Variants in EML5 observed in about 807,000 individuals in gnomAD.
EML5 encodes the protein echinoderm microtubule-associated protein-like 5.
Under a neutral mutation model 250.0 loss-of-function variants are expected in EML5, and 120 were observed. The ratio of observed to expected loss-of-function variants is 0.48; its 90% CI spans 0.41 to 0.56. The LOEUF is 0.56. Among genes scored for constraint, EML5 ranks in the 20% least tolerant of loss-of-function variants. EML5 has a pLI of 0.00. For missense variants in EML5, 2,006 were observed against 2,437.6 expected (o/e 0.82, Z 3.73); for synonymous variants, 771 against 806.5 (o/e 0.96, Z 0.75).
At chr14:88,633,314 G>T (rs746649060) in intron 33 of EML5, among the ~76,000 whole-genome samples, 14 of 151,892 alleles carry the variant, frequency 9.2e-5, no homozygotes, top group Non-Finnish European at 1.6e-4. Context: ...TAGAGACAGG[G>T]TCTTGCTGTT....
chr14:88,737,506 C>G (rs2093861414), intron 6 of EML5, among the ~76,000 whole-genome samples: 1 of 152,238 alleles, frequency 6.6e-6, no homozygotes. Context: ...CCCAGTGCAG[C>G]CCGGGACAGG....
chr14:88,738,969 C>G lies in EML5; in HGVS notation c.757G>C (p.Gly253Arg), dbSNP rs1305292150. 6.2e-7 allele frequency: 1 copy of G among 1,609,174 alleles called. No homozygotes were observed. The highest frequency in any genetic ancestry group is 8.5e-7 in the Non-Finnish European group (1 of 1,178,104). ...MNACEEGFAT[G>R]GRDGCIRLWD... ...AGACGAATACAACCATCTCTGCCAC[C>G]AGTAGCAAAGCCTTCTTCACAAGCA... The change falls in exon 6 of 44, where the codon GGT becomes CGT. Residue 253 changes from glycine to arginine, a missense_variant. Gly to Arg is a moderately radical substitution (Grantham distance 125). Transcript: ENST00000554922.
At chr14:88,629,516 C>T (rs1011543434) in intron 33 of EML5, among the ~76,000 whole-genome samples, 2 of 152,110 alleles carry the variant, frequency 1.3e-5, no homozygotes, top group African/African-American at 4.8e-5. Flanking sequence ...CTCGAAGTTA[C>T]TAAAGATGAA....
intron 14 of EML5, among the ~76,000 whole-genome samples, chr14:88,698,344 C>A (rs1050048995): frequency 1.4e-5 from 2 of 146,970 alleles, no homozygotes; most frequent in African/African-American, 2.5e-5. Flanking sequence ...TGGCTCACTG[C>A]GACCTCCGCC....
chr14:88,626,874 G>A lies in EML5; in HGVS notation c.4704C>T (p.Ala1568=). 1.2e-6 allele frequency: 2 copies of A among 1,613,838 alleles called. No homozygotes were observed. Among genetic ancestry groups the A allele is most frequent in the East Asian group, 2.2e-5 (1 of 44,870 alleles). The change falls in exon 35 of 44, where the codon GCC becomes GCT. Residue 1568 remains alanine, a synonymous_variant. Coordinates refer to ENST00000554922, the MANE Select transcript of EML5 (RefSeq NM_183387.3). Reference sequence around the variant, plus strand: ...CAATAGCGAGCATGGTCTGCATCCGGGCATCTTCCAGTGTGCTCAGTAGCC... The same window carrying A: ...CAATAGCGAGCATGGTCTGCATCCGAGCATCTTCCAGTGTGCTCAGTAGCC... ...KKGLLSTLED[A]RMQTMLAIAF...
chr14:88,703,440 A>G (rs2093257083), intron 13 of EML5, among the ~76,000 whole-genome samples: 1 of 152,150 alleles, frequency 6.6e-6, no homozygotes, highest in Non-Finnish European at 1.5e-5. Flanking sequence ...TTAAACTACA[A>G]TTTTAAAATA....
At chr14:88,722,985 A>T (rs1419874840) in intron 8 of EML5, among the ~76,000 whole-genome samples, 1 of 152,208 alleles carries the variant, frequency 6.6e-6, no homozygotes, top group East Asian at 1.9e-4. Context: ...TAACACAGCA[A>T]TAAGGAAAGA....
chr14:88,718,128 A>G (rs2093530971), intron 8 of EML5, among the ~76,000 whole-genome samples: 1 of 152,158 alleles, frequency 6.6e-6, no homozygotes. Context: ...ATTAACTAGG[A>G]TACGGCCCAT....
chr14:88,628,200 A>C (rs2090165253), intron 33 of EML5, among the ~76,000 whole-genome samples: 1 of 152,164 alleles, frequency 6.6e-6, no homozygotes, highest in Non-Finnish European at 1.5e-5. Context: ...TAAATATTAA[A>C]CACCAAGTAT....
At chr14:88,617,125 A>G in intron 41 of EML5, 1 of 318,032 alleles carries the variant, frequency 3.1e-6, no homozygotes, top group East Asian at 5.0e-5. Context: ...GTAGTACTTT[A>G]TGAAAACTGA....
intron 10 of EML5, among the ~76,000 whole-genome samples, chr14:88,706,984 T>C (rs576386275): frequency 6.6e-6 from 1 of 152,336 alleles, no homozygotes; most frequent in African/African-American, 2.4e-5. Flanking sequence ...GTTCCAACAA[T>C]GTCCTTTATA....
chr14:88,660,960 T>A (rs1489916261), intron 25 of EML5, among the ~76,000 whole-genome samples: 3 of 152,158 alleles, frequency 2.0e-5, no homozygotes, highest in African/African-American at 7.2e-5. Context: ...AGTGTAAGTA[T>A]TTTCTATTTA....
intron 12 of EML5, 41 bp from the exon 13 acceptor site, chr14:88,705,019 T>C: frequency 7.1e-7 from 1 of 1,405,776 alleles, no homozygotes; most frequent in East Asian, 2.4e-5. Context: ...TTAGAATATA[T>C]ACTAATAAAG....
chr14:88,688,828 A>G (rs1379392362), intron 17 of EML5, among the ~76,000 whole-genome samples: 5 of 152,364 alleles, frequency 3.3e-5, no homozygotes, highest in Admixed American at 1.3e-4. Context: ...CTACAAAAAG[A>G]TCCCAAAGTA....
At chr14:88,773,738 A>G (rs1442034541) in intron 1 of EML5, among the ~76,000 whole-genome samples, 2 of 152,212 alleles carry the variant, frequency 1.3e-5, no homozygotes, top group Non-Finnish European at 2.9e-5. Context: ...TTAACTTTCT[A>G]TTAAGCAGCC....
chr14:88,631,194 T>C (rs1160256355), intron 33 of EML5, among the ~76,000 whole-genome samples: 1 of 152,156 alleles, frequency 6.6e-6, no homozygotes, highest in Non-Finnish European at 1.5e-5. Context: ...TGAAAACATA[T>C]CTAATGTATT....
rs549257028 is a variant in EML5 at position 88,613,951 on chromosome 14, G to A, written c.*1867C>T. 3 of 152,182 alleles carry A rather than the reference G, an allele frequency of 2.0e-5. No homozygotes were observed. Among genetic ancestry groups the A allele is most frequent in the Non-Finnish European group, 4.4e-5 (3 of 68,026 alleles). 9.4% of individuals were successfully genotyped at this position (152,182 alleles called of 1,614,324 possible). A position where few individuals can be genotyped will look rare whatever the true frequency, so the allele number is the denominator to read the frequency against. ...TACTTAGTCAATATGACCTTTAGTC[G>A]TGAAACTGACAGCAGCAGTGATTAA... is the stretch of plus-strand genomic sequence containing the variant. On this transcript the variant is annotated 3_prime_UTR_variant, in exon 44 of 44. Transcript: ENST00000554922.
At chr14:88,617,039 G>T in intron 41 of EML5, 160 bp from the exon 42 acceptor site, 1 of 517,410 alleles carries the variant, frequency 1.9e-6, no homozygotes, top group Non-Finnish European at 3.3e-6. Context: ...AATTTCATCA[G>T]GATATCAACT....
At chr14:88,705,301 C>A (rs1030082959) in intron 12 of EML5, among the ~76,000 whole-genome samples, 181 bp downstream of exon 12, 1 of 151,992 alleles carries the variant, frequency 6.6e-6, no homozygotes, top group African/African-American at 2.4e-5. Context: ...ATATACCAAG[C>A]ATTTAATATA....
Sources: gnomAD v4.1 joint callset for allele counts (sites outside exome capture counted in the v4.1 genomes callset) on GRCh38, gnomAD v4.1.1 for gene constraint, MANE v1.5 for transcripts, NCBI Gene and HGNC (gene_info 2026-07-23, HGNC 2026-07-21) for gene names.